The following CACNB2 variants were observed in gnomAD, a reference collection of about 807,000 sequenced individuals.
CACNB2 encodes the protein calcium voltage-gated channel auxiliary subunit beta 2.
Under a neutral mutation model 73.3 loss-of-function variants are expected in CACNB2, and 42 were observed. That is an observed-to-expected ratio of 0.57 (90% confidence interval 0.45 to 0.74). CACNB2 has a LOEUF of 0.74. Among genes scored for constraint, CACNB2 ranks in the 30% least tolerant of loss-of-function variants. The pLI, the probability that CACNB2 is intolerant of heterozygous loss-of-function variation, is 0.00. For missense variants in CACNB2, 940 were observed against 853.0 expected, an observed-to-expected ratio of 1.10 and a Z score of -1.27; for synonymous variants, 348 against 310.3, an observed-to-expected ratio of 1.12 and a Z score of -1.28.
chr10:18,451,995 C>G (rs2047044039), intron 3 of CACNB2, among the ~76,000 whole-genome samples: 1 of 152,202 alleles, frequency 6.6e-6, no homozygotes, highest in South Asian at 2.1e-4. Flanking sequence ...AACCTCCCAT[C>G]TGGCTGTATT....
intron 2 of CACNB2, among the ~76,000 whole-genome samples, chr10:18,153,558 T>TTTTA (rs1257955558): frequency 8.5e-6 from 1 of 117,704 alleles, no homozygotes; most frequent in Non-Finnish European, 1.7e-5. Context: ...GCACACTAGA[T>TTTTA]TTTACTTATT....
chr10:18,410,976 T>A (rs992036059), intron 3 of CACNB2, among the ~76,000 whole-genome samples: 1 of 151,902 alleles, frequency 6.6e-6, no homozygotes, highest in African/African-American at 2.4e-5. Flanking sequence ...CAAGACTCCA[T>A]TTAAAAAAAA....
chr10:18,166,492 C>G (rs1212361728), intron 2 of CACNB2, among the ~76,000 whole-genome samples: 1 of 152,208 alleles, frequency 6.6e-6, no homozygotes, highest in Non-Finnish European at 1.5e-5. Flanking sequence ...TCCCAAAGTG[C>G]TGGGATTACA....
chr10:18,446,019 A>T (rs2046717297), intron 3 of CACNB2, among the ~76,000 whole-genome samples: 1 of 152,130 alleles, frequency 6.6e-6, no homozygotes, highest in South Asian at 2.1e-4. Context: ...GGGTGACCAG[A>T]GTGAAGCTCC....
chr10:18,233,571 AT>A (rs1380754118), intron 2 of CACNB2, among the ~76,000 whole-genome samples: 1 of 152,042 alleles, frequency 6.6e-6, no homozygotes, highest in African/African-American at 2.4e-5. Flanking sequence ...TTGGGGTTTG[AT>A]CGCAAGCTCT....
At chr10:18,177,954 A>C (rs754021454) in intron 2 of CACNB2, among the ~76,000 whole-genome samples, 14 of 152,158 alleles carry the variant, frequency 9.2e-5, no homozygotes, top group Admixed American at 3.3e-4. Flanking sequence ...GTAGGTATTC[A>C]AGAGGCATAT....
At chr10:18,451,461 T>A (rs2047018497) in intron 3 of CACNB2, among the ~76,000 whole-genome samples, 1 of 152,228 alleles carries the variant, frequency 6.6e-6, no homozygotes, top group South Asian at 2.1e-4. Context: ...ACATCACATC[T>A]GCCACATCAG....
intron 2 of CACNB2, among the ~76,000 whole-genome samples, chr10:18,254,911 G>T (rs1430587969): frequency 6.6e-6 from 1 of 152,200 alleles, no homozygotes; most frequent in Admixed American, 6.5e-5. Context: ...TTCATTTTCT[G>T]TTTCTGTCCT....
At chr10:18,158,740 A>C (rs895690032) in intron 2 of CACNB2, among the ~76,000 whole-genome samples, 3 of 152,232 alleles carry the variant, frequency 2.0e-5, no homozygotes, top group Non-Finnish European at 4.4e-5. Flanking sequence ...CCAAAATCTA[A>C]ACAGATAAAT....
At chr10:18,346,448 C>T (rs2041460474) in intron 2 of CACNB2, among the ~76,000 whole-genome samples, 1 of 151,402 alleles carries the variant, frequency 6.6e-6, no homozygotes, top group Admixed American at 6.6e-5. Context: ...AGAACTGGAA[C>T]TTTCTATATG....
chr10:18,463,560 G>T (rs1241198169), intron 3 of CACNB2, among the ~76,000 whole-genome samples: 1 of 151,236 alleles, frequency 6.6e-6, no homozygotes, highest in African/African-American at 2.4e-5. Flanking sequence ...GATTGCAGGT[G>T]CACGCCACAA....
chr10:18,299,093 G>GAAAAT (rs1442033017), intron 2 of CACNB2, among the ~76,000 whole-genome samples: 5 of 135,006 alleles, frequency 3.7e-5, no homozygotes, highest in Non-Finnish European at 8.1e-5. Flanking sequence ...AAAAATAAAA[G>GAAAAT]AAAAAATAAA....
chr10:18,442,264 G>C (rs61842001), intron 3 of CACNB2, among the ~76,000 whole-genome samples: 25,477 of 151,792 alleles, frequency 0.17, 2,199 homozygotes, highest in East Asian at 0.25. Context: ...ATCCTTGTGA[G>C]TCAGCCTCAT....
At chr10:18,515,895 CTT>C (rs2051225973) in intron 7 of CACNB2, among the ~76,000 whole-genome samples, 1 of 152,196 alleles carries the variant, frequency 6.6e-6, no homozygotes, top group Non-Finnish European at 1.5e-5. Flanking sequence ...ACTTTAAAAA[CTT>C]TTATCACAAT....
At chr10:18,478,268 C>G (rs1172651317) in intron 3 of CACNB2, among the ~76,000 whole-genome samples, 1 of 152,164 alleles carries the variant, frequency 6.6e-6, no homozygotes, top group Admixed American at 6.5e-5. Context: ...GCTTCCTCTT[C>G]TATTTCCCAC....
chr10:18,432,776 A>G (rs1189173968), intron 3 of CACNB2, among the ~76,000 whole-genome samples: 1 of 152,168 alleles, frequency 6.6e-6, no homozygotes, highest in Non-Finnish European at 1.5e-5. Context: ...CAGAGGTTGC[A>G]ATGAGCCAAG....
chr10:18,237,988 C>T (rs1008082832), intron 2 of CACNB2, among the ~76,000 whole-genome samples: 1 of 152,178 alleles, frequency 6.6e-6, no homozygotes, highest in African/African-American at 2.4e-5. Flanking sequence ...GCTCCCCACT[C>T]TCTCTCTGTA....
intron 5 of CACNB2, among the ~76,000 whole-genome samples, chr10:18,501,798 G>A (rs4748474): frequency 0.6 from 90,772 of 152,036 alleles, 27,984 homozygotes; most frequent in East Asian, 0.97. Flanking sequence ...TTTTTCAAGC[G>A]TCAGCAGATG....
chr10:18,307,097 A>G (rs923113768), intron 2 of CACNB2, among the ~76,000 whole-genome samples: 7 of 152,002 alleles, frequency 4.6e-5, no homozygotes, highest in African/African-American at 1.7e-4. Flanking sequence ...AAAATGGTGG[A>G]GAAAAAAAAA....
Sources: gnomAD v4.1 joint callset for allele counts (sites outside exome capture counted in the v4.1 genomes callset) on GRCh38, gnomAD v4.1.1 for gene constraint, MANE v1.5 for transcripts, NCBI Gene and HGNC (gene_info 2026-07-23, HGNC 2026-07-21) for gene names.